Variants in CLTCL1 observed in about 807,000 individuals in gnomAD.
CLTCL1 encodes the protein clathrin heavy chain like 1.
In CLTCL1, 159 loss-of-function variants were observed where a neutral mutation model predicts 190.0. The ratio of observed to expected loss-of-function variants is 0.84; its 90% CI spans 0.74 to 0.95. The LOEUF (loss-of-function observed/expected upper bound fraction) is 0.95, where lower values mean the gene tolerates loss of function less well. CLTCL1 is among the 40% of genes least tolerant of loss of function. The pLI is 0.00. For missense variants in CLTCL1, 1,878 were observed against 2,033.4 expected (o/e 0.92, Z 1.47); for synonymous variants, 752 against 769.6 (o/e 0.98, Z 0.38).
chr22:19,281,294 C>CAAAA (rs361827), intron 1 of CLTCL1, among the ~76,000 whole-genome samples: 1 of 116,498 alleles, frequency 8.6e-6, no homozygotes, highest in Non-Finnish European at 1.8e-5. Context: ...GACCCTGTCT[C>CAAAA]AAAAAAAAAA....
intron 5 of CLTCL1, 80 bp from the exon 6 acceptor site, chr22:19,235,949 G>T: frequency 2.4e-6 from 3 of 1,250,362 alleles, no homozygotes; most frequent in Non-Finnish European, 3.3e-6. Flanking sequence ...AAATGATAAA[G>T]AGGATTCTTG....
chr22:19,279,469 T>C (rs370219924), intron 1 of CLTCL1, among the ~76,000 whole-genome samples: 1 of 152,220 alleles, frequency 6.6e-6, no homozygotes. Context: ...GACTGCTGCA[T>C]CTGAGGTTTC....
Position 19,191,687 on chromosome 22 carries a change from T to C in CLTCL1, c.4192-252A>G, listed in dbSNP as rs12628884. 9.4e-3 allele frequency among the ~76,000 whole-genome samples: 1,430 copies of C among 152,214 alleles called. 31 individuals are homozygous for C. The highest frequency in any genetic ancestry group is 0.068 in the East Asian group (351 of 5,164). On this transcript the variant is annotated intron_variant, in intron 26 of 32. Coordinates refer to ENST00000427926, the MANE Select transcript of CLTCL1 (RefSeq NM_007098.4). ...CCTCAACCCAGCACCTAGACCAGTATCTGATGCAGGGTCCACGATCACTCA... is the reference window on the plus strand; with the variant it reads ...CCTCAACCCAGCACCTAGACCAGTACCTGATGCAGGGTCCACGATCACTCA...
At chr22:19,282,740 C>T (rs1555987580) in intron 1 of CLTCL1, among the ~76,000 whole-genome samples, 1 of 151,982 alleles carries the variant, frequency 6.6e-6, no homozygotes, top group African/African-American at 2.4e-5. Flanking sequence ...ATGCTCAATA[C>T]AGGACAATCC....
intron 2 of CLTCL1, among the ~76,000 whole-genome samples, chr22:19,255,738 C>T (rs1325112882): frequency 2.0e-5 from 3 of 150,290 alleles, no homozygotes; most frequent in Non-Finnish European, 3.0e-5. Flanking sequence ...GGTGAAACCC[C>T]GTCTCTACTA....
At chr22:19,204,147 C>G (rs1191299253) in intron 22 of CLTCL1, among the ~76,000 whole-genome samples, 2 of 152,224 alleles carry the variant, frequency 1.3e-5, no homozygotes, top group South Asian at 2.1e-4. Flanking sequence ...TAGACCAGAT[C>G]ATTTTCCTCC....
intron 29 of CLTCL1, 172 bp from the exon 30 acceptor site, chr22:19,183,783 T>C: frequency 1.5e-6 from 1 of 658,986 alleles, no homozygotes; most frequent in East Asian, 2.8e-5. Flanking sequence ...TGCCCACTGG[T>C]GAAACGGAGA....
At chr22:19,251,790 A>G (rs1555970188) in intron 3 of CLTCL1, among the ~76,000 whole-genome samples, 1 of 152,178 alleles carries the variant, frequency 6.6e-6, no homozygotes, top group East Asian at 1.9e-4. Context: ...TTCTCACCTA[A>G]TTGCCCTGGC....
chr22:19,230,608 C>T (rs1555958546), intron 10 of CLTCL1, among the ~76,000 whole-genome samples: 1 of 152,090 alleles, frequency 6.6e-6, no homozygotes, highest in East Asian at 1.9e-4. Context: ...AATAATCTTG[C>T]AAAATCATAT....
chr22:19,276,959 A>C (rs553281813), intron 1 of CLTCL1, among the ~76,000 whole-genome samples: 6 of 152,236 alleles, frequency 3.9e-5, no homozygotes, highest in African/African-American at 1.4e-4. Context: ...GGCGTGAGCC[A>C]CCGCGTCTGG....
At chr22:19,260,930 GA>G (rs34432357) in intron 2 of CLTCL1, among the ~76,000 whole-genome samples, 8,923 of 138,822 alleles carry the variant, frequency 0.064, 321 homozygotes, top group Middle Eastern at 0.17. Flanking sequence ...CTACTGATCA[GA>G]AAAAAAAAAA....
intron 29 of CLTCL1, among the ~76,000 whole-genome samples, chr22:19,185,418 C>A (rs1366428515): frequency 6.6e-6 from 1 of 151,894 alleles, no homozygotes; most frequent in African/African-American, 2.4e-5. Flanking sequence ...GCTCTGCCTC[C>A]TGGGTTCACG....
At chr22:19,216,781 T>C (rs952994185) in intron 18 of CLTCL1, among the ~76,000 whole-genome samples, 1 of 152,208 alleles carries the variant, frequency 6.6e-6, no homozygotes, top group Non-Finnish European at 1.5e-5. Flanking sequence ...GTGTCTCACA[T>C]ACAAAAACAC....
At chr22:19,202,389 A>G in intron 22 of CLTCL1, among the ~76,000 whole-genome samples, 1 of 149,574 alleles carries the variant, frequency 6.7e-6, no homozygotes, top group Non-Finnish European at 1.5e-5. Context: ...CACCTCCCGC[A>G]CCAACCCTCC....
intron 1 of CLTCL1, 85 bp downstream of exon 1, chr22:19,291,515 G>A (rs1277180241): frequency 3.3e-6 from 4 of 1,208,502 alleles, no homozygotes; most frequent in Admixed American, 4.1e-5. Flanking sequence ...GGCTCAGCGG[G>A]GCTGGGGGCG....
Position 19,291,606 on chromosome 22 carries a change from G to A in CLTCL1, c.36C>T (p.His12=), listed in dbSNP as rs962224921. 2.1e-6 allele frequency: 3 copies of A among 1,397,774 alleles called. No homozygotes were observed. The highest frequency in any genetic ancestry group is 2.8e-5 in the Admixed American group (1 of 35,558). The allele number at this position is 1,397,774 out of a possible 1,614,324, so 86.6% of individuals were successfully genotyped here. A position where few individuals can be genotyped will look rare whatever the true frequency, so the allele number is the denominator to read the frequency against. The change falls in exon 1 of 33, where the codon CAC becomes CAT. Residue 12 remains histidine (H), a synonymous_variant. Coordinates refer to ENST00000427926, the MANE Select transcript of CLTCL1 (RefSeq NM_007098.4). ...CCAGCCCGCCGGGCCTCACCTGGAA[G>A]TGCTCCTGAAAGCGAACAGGGAGGA... ...AQILPVRFQE[H]FQLQNLGINP... is the part of the protein sequence containing the mutation.
intron 1 of CLTCL1, among the ~76,000 whole-genome samples, chr22:19,281,307 AAAAAG>A (rs2087706872): frequency 6.6e-6 from 1 of 152,014 alleles, no homozygotes; most frequent in Non-Finnish European, 1.5e-5. Flanking sequence ...AAAAAAAAAA[AAAAAG>A]AAAAGAGTTT....
chr22:19,212,713 A>C (rs1178877341), intron 19 of CLTCL1, among the ~76,000 whole-genome samples: 2 of 152,228 alleles, frequency 1.3e-5, no homozygotes, highest in Admixed American at 1.3e-4. Context: ...TATCTGGCCA[A>C]TTGATTTTTG....
intron 20 of CLTCL1, 148 bp downstream of exon 20, chr22:19,210,178 G>T: frequency 1.4e-6 from 1 of 690,006 alleles, no homozygotes. Flanking sequence ...GGGAAGATGG[G>T]TTGCTGGTGA....
Sources: allele counts gnomAD v4.1 joint callset (sites outside exome capture counted in the v4.1 genomes callset), GRCh38; gene constraint gnomAD v4.1.1; transcripts MANE v1.5; gene names NCBI Gene and HGNC (gene_info 2026-07-23, HGNC 2026-07-21).